EME1: variants seen among roughly 807,000 people sequenced by gnomAD.
EME1 encodes the protein essential meiotic structure-specific endonuclease 1.
EME1 carries 61 observed loss-of-function variants against 59.1 expected under a neutral mutation model. The observed-to-expected ratio is 1.03, with a 90% CI of 0.84 to 1.28. The LOEUF (loss-of-function observed/expected upper bound fraction) is 1.28. Ranked by LOEUF, EME1 falls within the 50% of genes most tolerant of loss-of-function variation. EME1 has a pLI of 0.00. For synonymous variants in EME1, 230 were observed against 254.2 expected, an observed-to-expected ratio of 0.90 and a Z score of 0.90; for missense variants, 635 against 682.6, an observed-to-expected ratio of 0.93 and a Z score of 0.78.
chr17:50,378,689 G>A lies in EME1; in HGVS notation c.990+8G>A. 6.2e-7 allele frequency: 1 copy of A among 1,614,172 alleles called. No individual in the cohort carries two copies. The highest frequency in any genetic ancestry group is 8.5e-7 in the Non-Finnish European group (1 of 1,180,006). ...ATCGACAATGGAAAGCAGGTGGGCAGAGCCAGAGGGTGGGAGGACACGGAA... is the reference window on the plus strand; with the variant it reads ...ATCGACAATGGAAAGCAGGTGGGCAAAGCCAGAGGGTGGGAGGACACGGAA... On this transcript the variant is annotated splice_region_variant and intron_variant, in intron 4 of 8. Transcript: ENST00000338165.
intron 7 of EME1, 42 bp from the exon 8 acceptor site, chr17:50,380,270 G>A (rs748096140): frequency 4.5e-6 from 7 of 1,553,408 alleles, no homozygotes; most frequent in Non-Finnish European, 6.1e-6. Flanking sequence ...AGGTGTAGAA[G>A]AGTAATGAGC....
At position 50,380,578 on chromosome 17, in the gene EME1, T is replaced by C. The variant is rs1913764508; in HGVS notation, c.1536+77T>C. Reference sequence around the variant, plus strand: ...GGGCCCCCAGATTTCCATGGACAACTGTTGAGGGCCCACAAAGGCCTCACA... The same window carrying C: ...GGGCCCCCAGATTTCCATGGACAACCGTTGAGGGCCCACAAAGGCCTCACA... On this transcript the variant is annotated intron_variant, in intron 8 of 8. Transcript: ENST00000338165. The C allele has an allele frequency of 1.9e-6, 3 of 1,571,420 alleles. No homozygotes were observed. In the African/African-American group the frequency reaches 4.0e-5, roughly 21 times the overall value.
rs367778832 is a variant in EME1 at position 50,379,484 on chromosome 17, C to G, written c.1263C>G (p.Ala421=). ...TGGATCTGCAGCTACACACAGAAGCCCAGGCTCAAATTGTGCAGAGCTGGA... is the reference window on the plus strand; with the variant it reads ...TGGATCTGCAGCTACACACAGAAGCGCAGGCTCAAATTGTGCAGAGCTGGA... The part of the protein sequence containing the change: ...ALVDLQLHTE[A]QAQIVQSWKE... Residue 421 remains alanine (A), a synonymous_variant, in exon 7 of 9, where the codon GCC becomes GCG. Coordinates refer to ENST00000338165, the MANE Select transcript of EME1 (RefSeq NM_152463.4). The G allele has an allele frequency of 7.4e-6, 12 of 1,614,062 alleles. No homozygotes were observed. In the African/African-American group the frequency reaches 1.5e-4, roughly 20 times the overall value.
intron 4 of EME1, 41 bp from the exon 5 acceptor site, chr17:50,378,733 T>C: frequency 1.9e-6 from 3 of 1,614,102 alleles, no homozygotes; most frequent in Non-Finnish European, 2.5e-6. Flanking sequence ...TGACTCTTAC[T>C]AGGAAGCAAG....
At chr17:50,373,824 A>G (rs1476174259) in intron 1 of EME1, among the ~76,000 whole-genome samples, 1 of 152,260 alleles carries the variant, frequency 6.6e-6, no homozygotes, top group East Asian at 1.9e-4. Flanking sequence ...TAACAGGCAA[A>G]AAAAGGAAAC....
chr17:50,376,664 TGAGGGGAAG>T (rs1399371376), intron 3 of EME1, among the ~76,000 whole-genome samples: 4 of 152,078 alleles, frequency 2.6e-5, no homozygotes, highest in Admixed American at 2.6e-4. Context: ...CCTGAAGGGA[TGAGGGGAAG>T]GAGTGGTTAA....
In EME1 at chr17:50,375,895, G is replaced by A; in HGVS notation, c.687G>A (p.Gln229=). The change falls in exon 2 of 9, where the codon CAG becomes CAA. Residue 229 remains glutamine, a synonymous_variant. Coordinates refer to ENST00000338165, the MANE Select transcript of EME1 (RefSeq NM_152463.4). ...ARQKESTLRR[Q]ERKNAALVTR... is the part of the protein sequence containing the mutation. Reference sequence around the variant, plus strand: ...AGAAGGAAAGCACCCTGAGAAGACAGGAAAGAAAGAATGCAGCACTGGTTA... The same window carrying A: ...AGAAGGAAAGCACCCTGAGAAGACAAGAAAGAAAGAATGCAGCACTGGTTA... The A allele has an allele frequency of 6.2e-7, 1 of 1,613,936 alleles. No homozygotes were observed. Among genetic ancestry groups the A allele is most frequent in the Non-Finnish European group, 8.5e-7 (1 of 1,179,944 alleles).
In EME1 at chr17:50,373,235, G is replaced by C. The variant is rs1401534228; in HGVS notation, c.-67G>C. The stretch of plus-strand genomic sequence containing the variant: ...TTCCGCTATCAGGAGATCTACTTCC[G>C]GGCCCTGCGTGGCAGTTGAAAGAGT... On this transcript the variant is annotated 5_prime_UTR_variant, in exon 1 of 9. Coordinates refer to ENST00000338165, the MANE Select transcript of EME1 (RefSeq NM_152463.4). The C allele has an allele frequency of 6.3e-7, 1 of 1,583,286 alleles. No homozygotes were observed. The highest frequency in any genetic ancestry group is 2.2e-5 in the East Asian group (1 of 44,646).
Position 50,378,819 on chromosome 17 carries a change from T to TA in EME1, c.1036_1037insA (p.Phe346TyrfsTer4). ...GAAAGGGAAGGAAACGCTTCAGGGC[T>TA]TTGTAACTGACATCACAGCAAAGAC... On this transcript the variant is annotated frameshift_variant, in exon 5 of 9. Coordinates refer to ENST00000338165, the MANE Select transcript of EME1 (RefSeq NM_152463.4). LOFTEE classifies it high-confidence loss of function. The TA allele has an allele frequency of 6.2e-7, 1 of 1,614,172 alleles. No individual in the cohort carries two copies. Among genetic ancestry groups the TA allele is most frequent in the African/African-American group, 1.3e-5 (1 of 75,036 alleles).
At chr17:50,377,254 TTG>T (rs1710800164) in intron 3 of EME1, among the ~76,000 whole-genome samples, 1 of 152,136 alleles carries the variant, frequency 6.6e-6, no homozygotes, top group Non-Finnish European at 1.5e-5. Flanking sequence ...ACATTCTCTC[TTG>T]TGTTTCCATC....
In EME1 at chr17:50,378,767, C is replaced by T; in HGVS notation, c.991-7C>T. ...AGTATTAATGCAGTTTCTGCCCCTT[C>T]ATGCAGGGAAGCCTGGACAGCACTA... On this transcript the variant is annotated splice_region_variant and splice_polypyrimidine_tract_variant and intron_variant, in intron 4 of 8. Transcript: ENST00000338165. 6.2e-7 allele frequency: 1 copy of T among 1,614,218 alleles called. No individual in the cohort carries two copies. The highest frequency in any genetic ancestry group is 8.5e-7 in the Non-Finnish European group (1 of 1,180,048).
At chr17:50,376,216 T>C in intron 3 of EME1, 23 bp downstream of exon 3, 1 of 1,607,166 alleles carries the variant, frequency 6.2e-7, no homozygotes, top group Non-Finnish European at 8.5e-7. Context: ...TGGCTGACAT[T>C]TCCTCCCTCT....
intron 4 of EME1, 34 bp from the exon 5 acceptor site, chr17:50,378,740 C>CA (rs1309027954): frequency 1.2e-6 from 2 of 1,614,172 alleles, no homozygotes; most frequent in Non-Finnish European, 1.7e-6. Flanking sequence ...TACTAGGAAG[C>CA]AAGTATTAAT....
In EME1 at chr17:50,375,255, A is replaced by T. The variant is rs778157348; in HGVS notation, c.47A>T (p.Asp16Val). The part of the protein sequence containing the change: ...SSPSLDSGDS[D>V]SEELPTFAFL... ...CCCTCACTGGATTCTGGTGATAGTG[A>T]CTCTGAGGAGTTGCCAACATTTGCC... Residue 16 changes from aspartate to valine, a missense_variant, in exon 2 of 9, where the codon GAC becomes GTC. Physicochemically the swap from Asp to Val is radical, Grantham distance 152 (BLOSUM62 -3). Transcript: ENST00000338165. The T allele has an allele frequency of 6.2e-7, 1 of 1,614,106 alleles. No homozygotes were observed. The highest frequency in any genetic ancestry group is 8.5e-7 in the Non-Finnish European group (1 of 1,180,006).
In EME1 at chr17:50,375,679, T is replaced by C; in HGVS notation, c.471T>C (p.Asp157=). 1 of 1,614,068 alleles carries C rather than the reference T, an allele frequency of 6.2e-7. No homozygotes were observed. Among genetic ancestry groups the C allele is most frequent in the Non-Finnish European group, 8.5e-7 (1 of 1,180,000 alleles). ...LHDTPERSAA[D]NKDLILDPCC... is the part of the protein sequence containing the mutation. ...ATACCCCAGAGAGGAGTGCAGCAGATAACAAGGACCTGATCTTAGATCCAT... is the reference window on the plus strand; with the variant it reads ...ATACCCCAGAGAGGAGTGCAGCAGACAACAAGGACCTGATCTTAGATCCAT... The change falls in exon 2 of 9, where the codon GAT becomes GAC. Residue 157 remains aspartate (D), a synonymous_variant. Coordinates refer to ENST00000338165, the MANE Select transcript of EME1 (RefSeq NM_152463.4).
At position 50,380,488 on chromosome 17, in the gene EME1, A is replaced by G. The variant is rs1255046831; in HGVS notation, c.1523A>G (p.Gln508Arg). ...GTTGTGAATGCCTATCCCTCCCCAC[A>G]GCTCCTGGTACAGGTATGCTGCTCC... ...SAVVNAYPSP[Q>R]LLVQAYQQCF... The change falls in exon 8 of 9, where the codon CAG becomes CGG. Residue 508 changes from glutamine (Q) to arginine (R), a missense_variant. Physicochemically the swap from Gln to Arg is conservative, Grantham distance 43. Coordinates refer to ENST00000338165, the MANE Select transcript of EME1 (RefSeq NM_152463.4). The G allele has an allele frequency of 6.2e-7, 1 of 1,613,734 alleles. No individual in the cohort carries two copies. The highest frequency in any genetic ancestry group is 1.1e-5 in the South Asian group (1 of 91,062).
In EME1 at chr17:50,375,203, A is replaced by G. The variant is rs761429359; in HGVS notation, c.-6A>G. On this transcript the variant is annotated 5_prime_UTR_variant, in exon 2 of 9. Coordinates refer to ENST00000338165, the MANE Select transcript of EME1 (RefSeq NM_152463.4). ...CTTTTAGGGAATTATTTGATAGCAC[A>G]TACTGATGGCTCTAAAGAAGTCATC... 6.2e-7 allele frequency: 1 copy of G among 1,612,768 alleles called. No homozygotes were observed. The highest frequency in any genetic ancestry group is 8.5e-7 in the Non-Finnish European group (1 of 1,179,522).
At position 50,380,302 on chromosome 17, in the gene EME1, G is replaced by A. The variant is rs535114765; in HGVS notation, c.1347-10G>A. 4 of 1,593,220 alleles carry A rather than the reference G, an allele frequency of 2.5e-6. No homozygotes were observed. Among genetic ancestry groups the A allele is most frequent in the Admixed American group, 1.8e-5 (1 of 56,408 alleles). The stretch of plus-strand genomic sequence containing the variant: ...GAGCAACTTACAGCTCTCCAACCAC[G>A]CTGTTGCAGGAAGCTCCGAGATGAA... On this transcript the variant is annotated splice_polypyrimidine_tract_variant and intron_variant, in intron 7 of 8. Coordinates refer to ENST00000338165, the MANE Select transcript of EME1 (RefSeq NM_152463.4).
intron 1 of EME1, among the ~76,000 whole-genome samples, chr17:50,374,710 G>C (rs1472062508): frequency 6.6e-6 from 1 of 152,090 alleles, no homozygotes; most frequent in African/African-American, 2.4e-5. Context: ...AAATTAGCCA[G>C]GTGTGGTGGT....
Sources: gnomAD v4.1 joint callset for allele counts (sites outside exome capture counted in the v4.1 genomes callset) on GRCh38, gnomAD v4.1.1 for gene constraint, MANE v1.5 for transcripts, NCBI Gene and HGNC (gene_info 2026-07-23, HGNC 2026-07-21) for gene names.